Variants in NOVA1 observed in about 807,000 individuals in gnomAD.
NOVA1 encodes the protein RNA-binding protein Nova-1.
In NOVA1, 7 loss-of-function variants were observed where a neutral mutation model predicts 38.0. The observed-to-expected ratio is 0.18, with a 90% CI of 0.10 to 0.35. The LOEUF (loss-of-function observed/expected upper bound fraction) is 0.35. Ranked by LOEUF, NOVA1 falls within the 10% of genes least tolerant of loss-of-function variation. The pLI, the probability that NOVA1 is intolerant of heterozygous loss-of-function variation, is 1.00. For missense variants in NOVA1, 460 were observed against 616.0 expected (o/e 0.75, Z 2.68); for synonymous variants, 270 against 232.5 (o/e 1.16, Z -1.47).
chr14:26,510,682 T>C (rs1469287257), intron 2 of NOVA1, among the ~76,000 whole-genome samples: 2 of 152,044 alleles, frequency 1.3e-5, no homozygotes, highest in Non-Finnish European at 2.9e-5. Context: ...CTGAACAACA[T>C]TAACAACAAA....
chr14:26,577,670 G>T (rs1459280105), intron 2 of NOVA1, among the ~76,000 whole-genome samples: 1 of 152,012 alleles, frequency 6.6e-6, no homozygotes, highest in African/African-American at 2.4e-5. Flanking sequence ...AAAGAGAGAA[G>T]GTAAAGATGA....
intron 2 of NOVA1, among the ~76,000 whole-genome samples, chr14:26,480,985 G>A (rs1002511373): frequency 1.3e-5 from 2 of 151,930 alleles, no homozygotes; most frequent in Non-Finnish European, 2.9e-5. Context: ...ACAAGACTAA[G>A]GTGAAACTGT....
At chr14:26,548,062 G>T (rs1890908742) in intron 2 of NOVA1, among the ~76,000 whole-genome samples, 1 of 151,604 alleles carries the variant, frequency 6.6e-6, no homozygotes, top group Non-Finnish European at 1.5e-5. Flanking sequence ...TCATAACAAT[G>T]GAGTTATCTA....
chr14:26,490,847 T>G (rs1037263479), intron 2 of NOVA1, among the ~76,000 whole-genome samples: 2 of 139,664 alleles, frequency 1.4e-5, no homozygotes, highest in East Asian at 2.1e-4. Flanking sequence ...GGCTAGTTTT[T>G]TTTTTTTTTT....
Position 26,597,734 on chromosome 14 carries a change from GA to G in NOVA1, c.-299del, listed in dbSNP as rs931478000. 9.4e-7 allele frequency: 1 copy of G among 1,058,884 alleles called. No homozygotes were observed. Among genetic ancestry groups the G allele is most frequent in the African/African-American group, 1.7e-5 (1 of 59,680 alleles). The allele number at this position is 1,058,884 out of a possible 1,614,324, so 65.6% of individuals were successfully genotyped here. On this transcript the variant is annotated 5_prime_UTR_variant, in exon 1 of 5. Transcript: ENST00000539517. ...AGAAGAAGAAGAAAGGAGACAGGGGGAGAGAGTGGAGAAGGGAGAGGGGCGA... is the reference window on the plus strand; with the variant it reads ...AGAAGAAGAAGAAAGGAGACAGGGGGGAGAGTGGAGAAGGGAGAGGGGCGA...
At chr14:26,460,279 T>C (rs1055053804) in intron 4 of NOVA1, among the ~76,000 whole-genome samples, 5 of 151,120 alleles carry the variant, frequency 3.3e-5, no homozygotes, top group African/African-American at 1.2e-4. Flanking sequence ...TAGTATTTCA[T>C]TAATACTTGA....
chr14:26,540,146 C>A (rs771590676), intron 2 of NOVA1, among the ~76,000 whole-genome samples: 1 of 152,186 alleles, frequency 6.6e-6, no homozygotes, highest in Middle Eastern at 3.2e-3. Flanking sequence ...CCACTTCCCC[C>A]ACACCCCTTC....
intron 2 of NOVA1, among the ~76,000 whole-genome samples, chr14:26,493,182 C>T (rs981402386): frequency 3.3e-5 from 5 of 152,150 alleles, no homozygotes; most frequent in African/African-American, 1.2e-4. Flanking sequence ...ATCAGAATAT[C>T]TTAAGAGTTA....
intron 2 of NOVA1, among the ~76,000 whole-genome samples, chr14:26,552,442 G>A (rs1287633996): frequency 6.6e-6 from 1 of 152,098 alleles, no homozygotes; most frequent in African/African-American, 2.4e-5. Context: ...ATGGGAATAT[G>A]CAGTTAGAAA....
rs1881878299 is a variant in NOVA1 at position 26,443,953 on chromosome 14, C to T, written c.*4006G>A. 2 of 151,992 alleles carry T rather than the reference C, an allele frequency of 1.3e-5. No homozygotes were observed. The highest frequency in any genetic ancestry group is 2.9e-5 in the Non-Finnish European group (2 of 67,980). 9.4% of individuals were successfully genotyped at this position (151,992 alleles called of 1,614,324 possible). A position where few individuals can be genotyped will look rare whatever the true frequency, so the allele number is the denominator to read the frequency against. On this transcript the variant is annotated 3_prime_UTR_variant, in exon 5 of 5. Transcript: ENST00000539517. Reference sequence around the variant, plus strand: ...AAGGGGTATTAAATTATATTTTCATCTCTCAATTGCTGCCTTCGAAAGCAA... The same window carrying T: ...AAGGGGTATTAAATTATATTTTCATTTCTCAATTGCTGCCTTCGAAAGCAA...
chr14:26,459,330 G>T (rs1313010987), intron 4 of NOVA1, among the ~76,000 whole-genome samples: 2 of 151,986 alleles, frequency 1.3e-5, no homozygotes, highest in Non-Finnish European at 2.9e-5. Context: ...TGTTACAACT[G>T]CCTACAGTAT....
At chr14:26,499,486 T>C (rs1472544701) in intron 2 of NOVA1, among the ~76,000 whole-genome samples, 2 of 152,164 alleles carry the variant, frequency 1.3e-5, no homozygotes, top group Non-Finnish European at 2.9e-5. Context: ...ACTTTTATGC[T>C]ATAGGCTACT....
At chr14:26,576,151 A>ATG (rs1166963943) in intron 2 of NOVA1, among the ~76,000 whole-genome samples, 1 of 151,686 alleles carries the variant, frequency 6.6e-6, no homozygotes, top group Non-Finnish European at 1.5e-5. Context: ...ATCATCTACA[A>ATG]TGTGTGTGTA....
At chr14:26,554,023 C>G (rs192702191) in intron 2 of NOVA1, among the ~76,000 whole-genome samples, 2 of 151,812 alleles carry the variant, frequency 1.3e-5, no homozygotes, top group Admixed American at 1.3e-4. Context: ...GTGGCATGCA[C>G]CTGTAATCCC....
At chr14:26,575,553 A>G (rs1329709618) in intron 2 of NOVA1, among the ~76,000 whole-genome samples, 2 of 152,136 alleles carry the variant, frequency 1.3e-5, no homozygotes, top group Non-Finnish European at 2.9e-5. Flanking sequence ...AAAAGCATAC[A>G]CAAGTTCTTG....
At chr14:26,546,077 T>C (rs1391917088) in intron 2 of NOVA1, among the ~76,000 whole-genome samples, 2 of 152,082 alleles carry the variant, frequency 1.3e-5, no homozygotes, top group African/African-American at 4.8e-5. Flanking sequence ...AAGATATGAG[T>C]ATTATATCTC....
chr14:26,499,900 A>G (rs1010109699), intron 2 of NOVA1, among the ~76,000 whole-genome samples: 4 of 152,082 alleles, frequency 2.6e-5, no homozygotes, highest in African/African-American at 9.7e-5. Context: ...TTAATACTAT[A>G]AATACTATAA....
Position 26,532,338 on chromosome 14 carries a change from A to C in NOVA1, c.281-52195T>G, listed in dbSNP as rs540286232. Among the ~76,000 whole-genome samples, 4 of 152,334 alleles carry C rather than the reference A, an allele frequency of 2.6e-5. No individual in the cohort carries two copies. The East Asian group carries it at 7.7e-4, about 29-fold the overall frequency. On this transcript the variant is annotated intron_variant, in intron 2 of 4. Coordinates refer to ENST00000539517, the MANE Select transcript of NOVA1 (RefSeq NM_002515.3). ...GTATACACACACCTAGACAATGACT[A>C]CTCCTCAACAATAAAAAGGAATAAA...
intron 2 of NOVA1, among the ~76,000 whole-genome samples, chr14:26,488,507 T>C (rs1001187529): frequency 6.6e-6 from 1 of 152,206 alleles, no homozygotes; most frequent in Non-Finnish European, 1.5e-5. Context: ...GAAAATTTTA[T>C]ATAACAACTG....
Sources: gnomAD v4.1 joint callset for allele counts (sites outside exome capture counted in the v4.1 genomes callset) on GRCh38, gnomAD v4.1.1 for gene constraint, MANE v1.5 for transcripts, NCBI Gene and HGNC (gene_info 2026-07-23, HGNC 2026-07-21) for gene names.